The following VAV2 variants were observed in gnomAD, a reference collection of about 807,000 sequenced individuals.
VAV2 encodes the protein guanine nucleotide exchange factor VAV2.
VAV2 carries 67 observed loss-of-function variants against 132.5 expected under a neutral mutation model. That is an observed-to-expected ratio of 0.51 (90% CI 0.42 to 0.62). The LOEUF is 0.62. Ranked by LOEUF, VAV2 falls within the 20% of genes least tolerant of loss-of-function variation. The pLI is 0.00. For synonymous variants in VAV2, 492 were observed against 443.5 expected, an observed-to-expected ratio of 1.11 and a Z score of -1.37; for missense variants, 938 against 1,153.6, an observed-to-expected ratio of 0.81 and a Z score of 2.71.
rs1182016148 is a variant in VAV2, at chr9:133,840,146, T to C, written c.381-5806A>G. On this transcript the variant is annotated intron_variant, in intron 3 of 29. Transcript: ENST00000371850. This position sits in a 1 kb window ranked among gnomAD's most constrained non-coding sequence, Gnocchi z 4.5. ...CCAACCACAGCCTATCCAGAAGTTG[T>C]CCTGAGAGCAGTCATCCTGGCTCCC... Among the ~76,000 whole-genome samples the C allele has an allele frequency of 6.6e-6, 1 of 152,202 alleles. No individual in the cohort carries two copies. Among genetic ancestry groups the C allele is most frequent in the Non-Finnish European group, 1.5e-5 (1 of 68,030 alleles).
chr9:133,852,913 C>G (rs1209142521), intron 3 of VAV2, among the ~76,000 whole-genome samples: 2 of 152,224 alleles, frequency 1.3e-5, no homozygotes, highest in African/African-American at 4.8e-5. Context: ...AGACTCACCC[C>G]AGGTTGCACT....
chr9:133,792,969 C>T (rs1834556809), intron 12 of VAV2, among the ~76,000 whole-genome samples: 1 of 152,130 alleles, frequency 6.6e-6, no homozygotes, highest in Admixed American at 6.5e-5. Context: ...GTGGGAGCCA[C>T]ATCAGGCCAC....
intron 1 of VAV2, among the ~76,000 whole-genome samples, chr9:133,968,923 A>G (rs910973070): frequency 2.6e-5 from 4 of 152,144 alleles, no homozygotes; most frequent in Non-Finnish European, 5.9e-5. Context: ...TTCCCGATTA[A>G]AGCTTTAACA....
At chr9:133,775,474 T>A (rs754789781) in intron 24 of VAV2, among the ~76,000 whole-genome samples, 35 of 152,220 alleles carry the variant, frequency 2.3e-4, no homozygotes, top group Non-Finnish European at 4.4e-4. Flanking sequence ...ATTTTTTTGG[T>A]AACACATTGG....
At chr9:133,766,368 G>T (rs138402339) in intron 29 of VAV2, among the ~76,000 whole-genome samples, 1 of 152,120 alleles carries the variant, frequency 6.6e-6, no homozygotes, top group South Asian at 2.1e-4. Flanking sequence ...GACTTGGAAC[G>T]AACCCAAATG....
chr9:133,780,584 G>T (rs1006507745), intron 20 of VAV2, 110 bp downstream of exon 20: 101 of 1,238,542 alleles, frequency 8.2e-5, no homozygotes, highest in Non-Finnish European at 9.9e-5. Flanking sequence ...ATCCAAGCCG[G>T]TGTGGCCCCA....
rs572017130 is a variant in VAV2, at chr9:133,979,307, G to T, written c.204+12768C>A. ...TGCAGGGTCCAGAGAGGCGCCACGG[G>T]TCTGCCACGAGGTGCTGAGCCAGGA... On this transcript the variant is annotated intron_variant, in intron 1 of 29. Transcript: ENST00000371850. Among the ~76,000 whole-genome samples the T allele has an allele frequency of 5.9e-5, 9 of 152,334 alleles. No individual in the cohort carries two copies. In the East Asian group the frequency reaches 9.6e-4, roughly 16 times the overall value.
At chr9:133,801,478 A>G (rs1834927842) in intron 9 of VAV2, among the ~76,000 whole-genome samples, 1 of 151,916 alleles carries the variant, frequency 6.6e-6, no homozygotes, top group Non-Finnish European at 1.5e-5. Flanking sequence ...GCAGAGGGAC[A>G]CTCTCTCTCC....
chr9:133,797,677 C>A, intron 10 of VAV2, 33 bp downstream of exon 10: 1 of 1,593,152 alleles, frequency 6.3e-7, no homozygotes, highest in Non-Finnish European at 8.6e-7. Context: ...AACCTTGGAG[C>A]CAGGGCCAGG....
chr9:133,983,994 T>G (rs1842779000), intron 1 of VAV2, among the ~76,000 whole-genome samples: 1 of 152,168 alleles, frequency 6.6e-6, no homozygotes, highest in Admixed American at 6.5e-5. Flanking sequence ...TCTTTTGAGA[T>G]GGAGTCTCAC....
intron 2 of VAV2, among the ~76,000 whole-genome samples, chr9:133,877,884 C>T (rs1329498162): frequency 6.6e-6 from 1 of 152,212 alleles, no homozygotes; most frequent in Non-Finnish European, 1.5e-5. Context: ...CTTAGTAACT[C>T]GGTTATTAAG....
intron 1 of VAV2, among the ~76,000 whole-genome samples, chr9:133,979,232 G>C (rs568230109): frequency 6.6e-6 from 1 of 152,166 alleles, no homozygotes; most frequent in African/African-American, 2.4e-5. Context: ...CCGGGTCCTC[G>C]GCCAACCCTT....
At chr9:133,903,329 C>T (rs1337973293) in intron 2 of VAV2, among the ~76,000 whole-genome samples, 1 of 152,166 alleles carries the variant, frequency 6.6e-6, no homozygotes, top group African/African-American at 2.4e-5. Flanking sequence ...CCTCGGGCCC[C>T]TTCCTCTACC....
intron 2 of VAV2, among the ~76,000 whole-genome samples, chr9:133,915,470 G>A (rs185185498): frequency 2.0e-5 from 3 of 152,286 alleles, no homozygotes; most frequent in East Asian, 1.9e-4. Flanking sequence ...AAAAAATGCC[G>A]GACAAGGGGC....
chr9:133,948,525 C>T (rs753842715), intron 1 of VAV2, among the ~76,000 whole-genome samples: 3 of 152,102 alleles, frequency 2.0e-5, no homozygotes, highest in Admixed American at 6.5e-5. Context: ...GCAGGGCAGG[C>T]GGCCCGCGTG....
chr9:133,927,034 A>G (rs1588381109), intron 2 of VAV2, among the ~76,000 whole-genome samples: 1 of 152,154 alleles, frequency 6.6e-6, no homozygotes. Context: ...GCAGGTGCCC[A>G]CCCAGCATCC....
At chr9:133,923,095 C>T (rs376479072) in intron 2 of VAV2, among the ~76,000 whole-genome samples, 6 of 152,180 alleles carry the variant, frequency 3.9e-5, no homozygotes, top group African/African-American at 1.2e-4. Flanking sequence ...TGAAAACATG[C>T]TCAACATCAC....
intron 2 of VAV2, among the ~76,000 whole-genome samples, chr9:133,877,940 G>C (rs1358321813): frequency 6.6e-6 from 1 of 152,176 alleles, no homozygotes; most frequent in Non-Finnish European, 1.5e-5. Context: ...TCTCCTCTGC[G>C]ACGTCAACTC....
chr9:133,806,127 C>T lies in VAV2; in HGVS notation c.790G>A (p.Val264Met), dbSNP rs777044584. 5.6e-6 allele frequency: 9 copies of T among 1,612,980 alleles called. No homozygotes were observed. In the South Asian group the frequency reaches 8.8e-5, roughly 16 times the overall value. Reference sequence around the variant, plus strand: ...ACCTTGGCCAGCGTGCTGCCCCCCACCATCACGGACACGTCGATGGCCCTC... The same window carrying T: ...ACCTTGGCCAGCGTGCTGCCCCCCATCATCACGGACACGTCGATGGCCCTC... ...FLRAIDVSVM[V>M]GGSTLAKVFL... The change falls in exon 9 of 30, where the codon GTG becomes ATG. Residue 264 changes from valine to methionine, a missense_variant. By Grantham distance (21) the Val-to-Met change is conservative. Coordinates refer to ENST00000371850, the MANE Select transcript of VAV2 (RefSeq NM_001134398.2).
Sources: gnomAD v4.1 joint callset for allele counts (sites outside exome capture counted in the v4.1 genomes callset) on GRCh38, gnomAD v4.1.1 for gene constraint, Gnocchi (gnomAD v3.1) non-coding constraint, MANE v1.5 for transcripts, NCBI Gene and HGNC (gene_info 2026-07-23, HGNC 2026-07-21) for gene names.